The following PDE8B variants were observed in gnomAD, a reference collection of about 807,000 sequenced individuals.
PDE8B encodes the protein high affinity cAMP-specific and IBMX-insensitive 3',5'-cyclic phosphodiesterase 8B.
In PDE8B, 26 loss-of-function variants were observed where a neutral mutation model predicts 101.3. That is an observed-to-expected ratio of 0.26 (90% confidence interval 0.19 to 0.36). The LOEUF is 0.36. PDE8B is among the 10% of genes least tolerant of loss of function. The pLI is 1.00. For missense variants in PDE8B, 810 were observed against 1,163.1 expected (o/e 0.70, Z 4.42); for synonymous variants, 424 against 429.3 (o/e 0.99, Z 0.15).
At chr5:77,202,387 T>G in the PDE8B span, among the ~76,000 whole-genome samples, 12 of 152,310 alleles carry the variant, frequency 7.9e-5, no homozygotes, top group African/African-American at 2.9e-4. Flanking sequence ...GATCAACCCC[T>G]CCTCCTCTTC....
At chr5:77,231,335 T>G (rs906096296) in intron 1 of PDE8B, among the ~76,000 whole-genome samples, 4 of 152,200 alleles carry the variant, frequency 2.6e-5, no homozygotes, top group African/African-American at 9.7e-5. Flanking sequence ...CCCTTTCTAC[T>G]TTTCAGTTCT....
At chr5:77,321,612 G>A (rs201114052) in intron 2 of PDE8B, among the ~76,000 whole-genome samples, 2 of 152,098 alleles carry the variant, frequency 1.3e-5, no homozygotes, top group East Asian at 3.9e-4. Flanking sequence ...CTTCTTTCCT[G>A]GAGAAGGTAT....
intron 1 of PDE8B, among the ~76,000 whole-genome samples, chr5:77,274,014 G>A (rs931188843): frequency 1.3e-5 from 2 of 151,988 alleles, no homozygotes; most frequent in African/African-American, 2.4e-5. Flanking sequence ...TAGAGACAAA[G>A]TTTCTCCATG....
chr5:77,201,429 T>C, the PDE8B span, among the ~76,000 whole-genome samples: 21 of 152,186 alleles, frequency 1.4e-4, no homozygotes, highest in African/African-American at 5.1e-4. Context: ...ACAAAAGAGG[T>C]TGCTGGCCTC....
At chr5:77,383,264 C>T (rs1363798188) in intron 10 of PDE8B, among the ~76,000 whole-genome samples, 5 of 152,118 alleles carry the variant, frequency 3.3e-5, no homozygotes, top group African/African-American at 7.2e-5. Context: ...TCATATCCTT[C>T]GCCCACTTGT....
chr5:77,143,318 T>C, the PDE8B span, among the ~76,000 whole-genome samples: 3 of 152,218 alleles, frequency 2.0e-5, no homozygotes, highest in African/African-American at 7.2e-5. Context: ...AAATACAAGA[T>C]ATAACATTGT....
At chr5:77,426,404 T>C (rs1356468570) in intron 21 of PDE8B, 41 bp from the exon 22 acceptor site, 1 of 1,356,028 alleles carries the variant, frequency 7.4e-7, no homozygotes, top group Non-Finnish European at 1.1e-6. Context: ...TCCTGGGGTC[T>C]AAGTTCACCG....
intron 14 of PDE8B, among the ~76,000 whole-genome samples, 171 bp downstream of exon 14, chr5:77,409,228 T>C (rs1163233822): frequency 6.6e-6 from 1 of 152,212 alleles, no homozygotes; most frequent in African/African-American, 2.4e-5. Context: ...GCAGTGGTAT[T>C]TGAGTGACTC....
the PDE8B span, among the ~76,000 whole-genome samples, chr5:77,136,884 CT>C: frequency 1.3e-5 from 2 of 152,146 alleles, no homozygotes; most frequent in African/African-American, 2.4e-5. Context: ...GTTTTCATCA[CT>C]TTTTTTGGGC....
the PDE8B span, among the ~76,000 whole-genome samples, chr5:77,189,734 T>A: frequency 1.2e-4 from 18 of 152,186 alleles, no homozygotes; most frequent in African/African-American, 4.3e-4. Context: ...GCCAGGCTGC[T>A]CAGGGACTGT....
intron 1 of PDE8B, among the ~76,000 whole-genome samples, chr5:77,270,287 G>T (rs1474437295): frequency 6.6e-6 from 1 of 152,154 alleles, no homozygotes; most frequent in African/African-American, 2.4e-5. Context: ...AAATGCTACT[G>T]ATTTTTGTAC....
chr5:77,421,758 A>G (rs13160107), intron 19 of PDE8B, 63 bp from the exon 20 acceptor site: 522,736 of 1,527,264 alleles, frequency 0.34, 91,228 homozygotes, highest in South Asian at 0.45. Context: ...TGCCTGGCGA[A>G]TTAACCCTTG....
chr5:77,294,517 T>C (rs1013687159), intron 1 of PDE8B, among the ~76,000 whole-genome samples: 5 of 151,580 alleles, frequency 3.3e-5, no homozygotes, highest in Admixed American at 3.3e-4. Flanking sequence ...ATATTTCAAA[T>C]GAGCTAAAAG....
chr5:77,100,822 C>G, the PDE8B span, among the ~76,000 whole-genome samples: 4 of 152,060 alleles, frequency 2.6e-5, no homozygotes, highest in Non-Finnish European at 5.9e-5. Context: ...GTTCAGACAT[C>G]CACACAAGTT....
the PDE8B span, among the ~76,000 whole-genome samples, chr5:77,106,943 G>A: frequency 6.6e-6 from 1 of 151,676 alleles, no homozygotes; most frequent in Non-Finnish European, 1.5e-5. Context: ...GGGTACATGT[G>A]CACAACGTGC....
At chr5:77,117,419 G>C in the PDE8B span, among the ~76,000 whole-genome samples, 47 of 152,174 alleles carry the variant, frequency 3.1e-4, 1 homozygote, top group Admixed American at 3.0e-3. Context: ...GATTGAGACT[G>C]ACAATGCCTG....
chr5:77,094,305 G>T, the PDE8B span, among the ~76,000 whole-genome samples: 7 of 151,964 alleles, frequency 4.6e-5, no homozygotes, highest in Non-Finnish European at 7.4e-5. Flanking sequence ...AAGAAAAATG[G>T]GTACACTTTA....
At chr5:77,377,257 C>T (rs899177584) in intron 10 of PDE8B, among the ~76,000 whole-genome samples, 1 of 152,192 alleles carries the variant, frequency 6.6e-6, no homozygotes, top group African/African-American at 2.4e-5. Context: ...AAACAGAATA[C>T]ACCTATGAAA....
intron 1 of PDE8B, among the ~76,000 whole-genome samples, chr5:77,278,992 C>G (rs1475649132): frequency 1.3e-5 from 2 of 152,154 alleles, no homozygotes; most frequent in Admixed American, 1.3e-4. Context: ...TTACTATACA[C>G]TACTGAAACA....
Sources: gnomAD v4.1 joint callset for allele counts (sites outside exome capture counted in the v4.1 genomes callset) on GRCh38, gnomAD v4.1.1 for gene constraint, MANE v1.5 for transcripts, NCBI Gene and HGNC (gene_info 2026-07-23, HGNC 2026-07-21) for gene names.